DLGAP2: variants seen among roughly 807,000 people sequenced by gnomAD.
The protein encoded by DLGAP2 is DLG associated protein 2.
DLGAP2 carries 26 observed loss-of-function variants against 100.3 expected under a neutral mutation model. The observed-to-expected ratio is 0.26, with a 90% CI of 0.19 to 0.36. DLGAP2 has a LOEUF of 0.36. Among genes scored for constraint, DLGAP2 ranks in the 10% least tolerant of loss-of-function variants. The pLI, the probability that DLGAP2 is intolerant of heterozygous loss-of-function variation, is 1.00. For synonymous variants in DLGAP2, 886 were observed against 630.1 expected (o/e 1.41, Z -6.08); for missense variants, 1,858 against 1,453.2 (o/e 1.28, Z -4.53).
At chr8:1,531,235 CGTGTGCGTGTGTGT>C (rs982675505) in intron 4 of DLGAP2, among the ~76,000 whole-genome samples, 6 of 140,130 alleles carry the variant, frequency 4.3e-5, no homozygotes, top group South Asian at 2.3e-4. Flanking sequence ...TATTAGAGAG[CGTGTGCGTGTGTGT>C]GTGTGTGTGT....
intron 3 of DLGAP2, among the ~76,000 whole-genome samples, chr8:1,427,184 CATAAA>C (rs963365263): frequency 9.9e-5 from 15 of 152,044 alleles, no homozygotes; most frequent in Admixed American, 2.6e-4. Flanking sequence ...CATTAAATTT[CATAAA>C]ATAAAAAGGA....
intron 3 of DLGAP2, among the ~76,000 whole-genome samples, chr8:1,350,845 G>A (rs1456092977): frequency 1.6e-5 from 1 of 63,360 alleles, no homozygotes; most frequent in Admixed American, 2.1e-4. Context: ...TGGAAAGGCC[G>A]TGCGGGTCCT....
At chr8:871,015 A>G (rs1304470536) in intron 1 of DLGAP2, among the ~76,000 whole-genome samples, 1 of 152,208 alleles carries the variant, frequency 6.6e-6, no homozygotes, top group Non-Finnish European at 1.5e-5. Flanking sequence ...TCTTCAGAAT[A>G]AATAAAAGGG....
At chr8:896,221 A>G (rs1368013856) in intron 1 of DLGAP2, among the ~76,000 whole-genome samples, 6 of 141,000 alleles carry the variant, frequency 4.3e-5, no homozygotes, top group East Asian at 2.2e-4. Flanking sequence ...TGGGGATGAT[A>G]GTGGCTAGGT....
intron 1 of DLGAP2, among the ~76,000 whole-genome samples, chr8:879,059 G>A (rs1554438298): frequency 1.3e-5 from 2 of 152,202 alleles, no homozygotes; most frequent in African/African-American, 2.4e-5. Flanking sequence ...ACTAGGTTGT[G>A]TGTGAAAGCA....
intron 3 of DLGAP2, among the ~76,000 whole-genome samples, chr8:1,447,868 A>G (rs150679445): frequency 2.9e-3 from 436 of 152,246 alleles, no homozygotes; most frequent in African/African-American, 9.5e-3. Context: ...TCTAGTTTAT[A>G]TACGTAGAGG....
chr8:1,189,625 G>C (rs777913553), intron 2 of DLGAP2, among the ~76,000 whole-genome samples: 1 of 152,228 alleles, frequency 6.6e-6, no homozygotes, highest in Non-Finnish European at 1.5e-5. Flanking sequence ...ACGTTTAGCA[G>C]TTGACGTGTG....
At chr8:769,468 A>G (rs1220986408) in intron 1 of DLGAP2, among the ~76,000 whole-genome samples, 1 of 152,174 alleles carries the variant, frequency 6.6e-6, no homozygotes, top group Non-Finnish European at 1.5e-5. Flanking sequence ...ATTTAGAAAA[A>G]TGAAACAATA....
chr8:1,574,675 A>AGGCTG (rs1802890137), intron 6 of DLGAP2, among the ~76,000 whole-genome samples: 1 of 152,228 alleles, frequency 6.6e-6, no homozygotes, highest in Admixed American at 6.5e-5. Flanking sequence ...GCTTCCACTT[A>AGGCTG]GGCTGAGCTA....
Position 1,059,579 on chromosome 8 carries a change from G to C in DLGAP2, c.73+151613G>C, listed in dbSNP as rs141661436. On this transcript the variant is annotated intron_variant, in intron 2 of 14. Coordinates refer to ENST00000637795, the MANE Select transcript of DLGAP2 (RefSeq NM_001346810.2). ...CCTCCATTAGGCTGTGAGCTTCCCGGAGGCAGGGGTGTGTTCATGGCTTTT... is the reference window on the plus strand; with the variant it reads ...CCTCCATTAGGCTGTGAGCTTCCCGCAGGCAGGGGTGTGTTCATGGCTTTT... Among the ~76,000 whole-genome samples the C allele has an allele frequency of 1.6e-4, 25 of 152,326 alleles. 1 individual carries two copies. The highest frequency in any genetic ancestry group is 6.0e-4 in the African/African-American group (25 of 41,574).
intron 1 of DLGAP2, among the ~76,000 whole-genome samples, chr8:837,300 C>A (rs1292075950): frequency 6.6e-6 from 1 of 152,220 alleles, no homozygotes; most frequent in Non-Finnish European, 1.5e-5. Flanking sequence ...GAAGGGGCCG[C>A]ACCTTGTGGA....
chr8:1,104,656 T>A (rs1804696946), intron 2 of DLGAP2, among the ~76,000 whole-genome samples: 1 of 152,152 alleles, frequency 6.6e-6, no homozygotes, highest in Non-Finnish European at 1.5e-5. Context: ...GCAACCCCGC[T>A]TGGCAGAGGA....
At chr8:1,424,014 C>T (rs1488098677) in intron 3 of DLGAP2, among the ~76,000 whole-genome samples, 1 of 152,216 alleles carries the variant, frequency 6.6e-6, no homozygotes, top group African/African-American at 2.4e-5. Flanking sequence ...CCGGATTATT[C>T]AAAGCTCGTA....
chr8:1,594,486 A>G (rs145661173), intron 6 of DLGAP2, among the ~76,000 whole-genome samples: 1,860 of 152,298 alleles, frequency 0.012, 20 homozygotes, highest in Admixed American at 0.023. Flanking sequence ...AGACCAGATC[A>G]AACAGAAGAA....
intron 2 of DLGAP2, among the ~76,000 whole-genome samples, chr8:1,213,601 G>A (rs1321535304): frequency 1.3e-5 from 2 of 152,162 alleles, no homozygotes; most frequent in Non-Finnish European, 2.9e-5. Context: ...GATATGGATA[G>A]CAGGGGTAAG....
intron 2 of DLGAP2, among the ~76,000 whole-genome samples, chr8:998,813 C>A (rs945442689): frequency 3.3e-5 from 5 of 152,180 alleles, no homozygotes; most frequent in African/African-American, 1.2e-4. Flanking sequence ...TCACTGTCCT[C>A]ATAACAGCAG....
intron 3 of DLGAP2, among the ~76,000 whole-genome samples, chr8:1,482,309 T>C (rs1799120183): frequency 6.6e-6 from 1 of 152,228 alleles, no homozygotes; most frequent in South Asian, 2.1e-4. Flanking sequence ...GACAGCACCG[T>C]GGTCAACGCT....
intron 2 of DLGAP2, among the ~76,000 whole-genome samples, chr8:1,231,300 C>T (rs572408997): frequency 1.3e-5 from 2 of 152,290 alleles, no homozygotes; most frequent in East Asian, 3.9e-4. Flanking sequence ...CCATCTCACG[C>T]CAGTCAGAAT....
chr8:1,407,837 T>G (rs1023603415), intron 3 of DLGAP2, among the ~76,000 whole-genome samples: 1 of 148,142 alleles, frequency 6.8e-6, no homozygotes, highest in African/African-American at 2.5e-5. Context: ...CACCTCCTCA[T>G]CCTCCGGAGT....
Sources: gnomAD v4.1 joint callset for allele counts (sites outside exome capture counted in the v4.1 genomes callset) on GRCh38, gnomAD v4.1.1 for gene constraint, MANE v1.5 for transcripts, NCBI Gene and HGNC (gene_info 2026-07-23, HGNC 2026-07-21) for gene names.